Variants in CNTNAP4 observed in about 807,000 individuals in gnomAD.
The protein encoded by CNTNAP4 is contactin associated protein family member 4.
A neutral mutation model predicts 148.4 loss-of-function variants in CNTNAP4; 98 were observed. That is an observed-to-expected ratio of 0.66 (90% CI 0.56 to 0.78). The LOEUF is 0.78. Among genes scored for constraint, CNTNAP4 ranks in the 30% least tolerant of loss-of-function variants. CNTNAP4 has a pLI of 0.00. For missense variants in CNTNAP4, 1,935 were observed against 1,565.6 expected, an observed-to-expected ratio of 1.24 and a Z score of -3.98; for synonymous variants, 730 against 565.1, an observed-to-expected ratio of 1.29 and a Z score of -4.14.
Position 76,502,836 on chromosome 16 carries a change from AAGT to A in CNTNAP4, c.2365+4147_2365+4149del, listed in dbSNP as rs141775447. 7.3e-3 allele frequency among the ~76,000 whole-genome samples: 1,108 copies of A among 152,244 alleles called. 9 individuals are homozygous for A. Among genetic ancestry groups the A allele is most frequent in the African/African-American group, 0.026 (1,061 of 41,540 alleles). ...ACAGAAAAAAAAGTGAGAATGAAAAAAGTAGTATTTTCATTTTCTCACACAAAC... is the reference window on the plus strand; with the variant it reads ...ACAGAAAAAAAAGTGAGAATGAAAAAAGTATTTTCATTTTCTCACACAAAC... On this transcript the variant is annotated intron_variant, in intron 15 of 23. Transcript: ENST00000611870.
At chr16:76,464,132 C>G (rs2081088046) in intron 9 of CNTNAP4, among the ~76,000 whole-genome samples, 1 of 152,148 alleles carries the variant, frequency 6.6e-6, no homozygotes, top group Non-Finnish European at 1.5e-5. Context: ...CTGCACTTCC[C>G]AGCCTTGTAC....
chr16:76,294,248 G>A (rs571352645), intron 1 of CNTNAP4, among the ~76,000 whole-genome samples: 61 of 152,206 alleles, frequency 4.0e-4, no homozygotes, highest in African/African-American at 1.5e-3. Context: ...CTAACAAAGA[G>A]CAGACTGTGA....
chr16:76,338,341 T>C (rs1393994920), intron 2 of CNTNAP4, among the ~76,000 whole-genome samples: 1 of 148,462 alleles, frequency 6.7e-6, no homozygotes, highest in Admixed American at 6.6e-5. Flanking sequence ...CATTCTCCTT[T>C]CTTGCCTTGA....
intron 9 of CNTNAP4, among the ~76,000 whole-genome samples, chr16:76,463,627 G>A (rs1365239154): frequency 6.6e-6 from 1 of 152,104 alleles, no homozygotes; most frequent in Admixed American, 6.5e-5. Flanking sequence ...CCGACATCCA[G>A]TTTCCTCTAT....
intron 2 of CNTNAP4, among the ~76,000 whole-genome samples, chr16:76,339,304 A>G (rs1400892360): frequency 6.6e-6 from 1 of 152,198 alleles, no homozygotes. Context: ...TTCAACATAT[A>G]ACATCTCATT....
chr16:76,392,386 A>C (rs1344325974), intron 3 of CNTNAP4, among the ~76,000 whole-genome samples: 1 of 152,236 alleles, frequency 6.6e-6, no homozygotes, highest in East Asian at 1.9e-4. Flanking sequence ...CTCCCAAATC[A>C]TTGGAAAGCC....
chr16:76,541,770 G>T (rs1241483938), intron 21 of CNTNAP4, among the ~76,000 whole-genome samples: 1 of 152,174 alleles, frequency 6.6e-6, no homozygotes, highest in Non-Finnish European at 1.5e-5. Flanking sequence ...CAAGTGCTAT[G>T]ATGAGCACCA....
chr16:76,456,966 T>G (rs2080756745), intron 8 of CNTNAP4, among the ~76,000 whole-genome samples: 1 of 152,194 alleles, frequency 6.6e-6, no homozygotes, highest in African/African-American at 2.4e-5. Context: ...ATACTATGCA[T>G]AGAAAGCTCC....
At chr16:76,288,611 T>C (rs947305942) in intron 1 of CNTNAP4, among the ~76,000 whole-genome samples, 3 of 152,192 alleles carry the variant, frequency 2.0e-5, no homozygotes, top group Non-Finnish European at 2.9e-5. Context: ...CCTGCCCTGA[T>C]CATAGACTAT....
chr16:76,448,699 G>A (rs2080342049), intron 5 of CNTNAP4, 68 bp from the exon 6 acceptor site: 3 of 1,225,702 alleles, frequency 2.4e-6, no homozygotes, highest in Non-Finnish European at 3.4e-6. Context: ...GTGGTCCACA[G>A]AAGGGAACCT....
At chr16:76,381,920 G>A (rs772840878) in intron 3 of CNTNAP4, among the ~76,000 whole-genome samples, 2 of 152,044 alleles carry the variant, frequency 1.3e-5, no homozygotes, top group East Asian at 3.9e-4. Context: ...TTAGCTGGGC[G>A]TGGTGGTGGG....
At chr16:76,409,749 G>A (rs1249645027) in intron 3 of CNTNAP4, among the ~76,000 whole-genome samples, 1 of 151,888 alleles carries the variant, frequency 6.6e-6, no homozygotes, top group East Asian at 1.9e-4. Context: ...TTGTCACTTT[G>A]ATCAAAGCAT....
intron 1 of CNTNAP4, among the ~76,000 whole-genome samples, chr16:76,306,513 C>A (rs1778979186): frequency 6.6e-6 from 1 of 152,126 alleles, no homozygotes; most frequent in Non-Finnish European, 1.5e-5. Flanking sequence ...TTATAGAAAG[C>A]AAAATGTTGA....
chr16:76,460,773 A>AATATATATATATATAT (rs150425968), intron 8 of CNTNAP4, among the ~76,000 whole-genome samples: 26 of 57,298 alleles, frequency 4.5e-4, no homozygotes, highest in Non-Finnish European at 6.2e-4. Context: ...AAAAAAAAAA[A>AATATATATATATATAT]ATATATATAT....
At chr16:76,339,909 T>C (rs909644929) in intron 2 of CNTNAP4, among the ~76,000 whole-genome samples, 1 of 152,228 alleles carries the variant, frequency 6.6e-6, no homozygotes, top group Non-Finnish European at 1.5e-5. Context: ...AAAGCTCTTA[T>C]ATAACAAGCT....
intron 2 of CNTNAP4, among the ~76,000 whole-genome samples, chr16:76,349,432 C>T (rs1465946277): frequency 6.6e-6 from 1 of 152,104 alleles, no homozygotes; most frequent in African/African-American, 2.4e-5. Context: ...GAGTCACGTT[C>T]TCTTCCAGCT....
chr16:76,372,714 C>T (rs1422103225), intron 3 of CNTNAP4, among the ~76,000 whole-genome samples: 1 of 152,116 alleles, frequency 6.6e-6, no homozygotes, highest in Non-Finnish European at 1.5e-5. Flanking sequence ...GTCCATTAAA[C>T]CTCTTTTTCT....
At chr16:76,319,803 C>T (rs1053013422) in intron 2 of CNTNAP4, among the ~76,000 whole-genome samples, 6 of 152,198 alleles carry the variant, frequency 3.9e-5, no homozygotes, top group Admixed American at 6.5e-5. Context: ...GGGTTCTTCT[C>T]TAAGCCCACA....
At chr16:76,369,389 G>A (rs2014539108) in intron 3 of CNTNAP4, among the ~76,000 whole-genome samples, 1 of 152,136 alleles carries the variant, frequency 6.6e-6, no homozygotes, top group Non-Finnish European at 1.5e-5. Flanking sequence ...ACATGAAATG[G>A]GAACTGGTTT....
Sources: allele counts gnomAD v4.1 joint callset (sites outside exome capture counted in the v4.1 genomes callset), GRCh38; gene constraint gnomAD v4.1.1; transcripts MANE v1.5; gene names NCBI Gene and HGNC (gene_info 2026-07-23, HGNC 2026-07-21).